SMYD3: variants seen among roughly 807,000 people sequenced by gnomAD.
SMYD3 encodes SET and MYND domain containing 3, also known as histone-lysine N-methyltransferase SMYD3.
A neutral mutation model predicts 57.7 loss-of-function variants in SMYD3; 36 were observed. The ratio of observed to expected loss-of-function variants is 0.62; its 90% CI spans 0.48 to 0.82. SMYD3 has a LOEUF of 0.82. Ranked by LOEUF, SMYD3 falls within the 40% of genes least tolerant of loss-of-function variation. SMYD3 has a pLI of 0.00. For missense variants in SMYD3, 515 were observed against 538.8 expected (o/e 0.96, Z 0.44); for synonymous variants, 211 against 195.0 (o/e 1.08, Z -0.68).
At chr1:246,285,365 T>G (rs1021463743) in intron 5 of SMYD3, among the ~76,000 whole-genome samples, 5 of 152,204 alleles carry the variant, frequency 3.3e-5, no homozygotes, top group African/African-American at 1.2e-4. Context: ...ACTCATTGAC[T>G]GATGGGCATT....
intron 5 of SMYD3, among the ~76,000 whole-genome samples, chr1:246,153,101 T>C (rs1020656784): frequency 6.6e-6 from 1 of 152,108 alleles, no homozygotes; most frequent in African/African-American, 2.4e-5. Context: ...TTTCCAACTG[T>C]CTACTCAAGC....
intron 5 of SMYD3, among the ~76,000 whole-genome samples, chr1:246,080,740 C>A (rs947395677): frequency 4.6e-5 from 7 of 152,146 alleles, no homozygotes; most frequent in Admixed American, 2.0e-4. Context: ...CACAGAAAAG[C>A]TTAATATTTG....
intron 8 of SMYD3, among the ~76,000 whole-genome samples, chr1:245,900,603 C>T (rs1197147109): frequency 6.6e-6 from 1 of 152,188 alleles, no homozygotes; most frequent in Non-Finnish European, 1.5e-5. Context: ...AGAACATGCA[C>T]CCCACCTACT....
intron 5 of SMYD3, among the ~76,000 whole-genome samples, chr1:246,023,055 C>T (rs2059501630): frequency 6.6e-6 from 1 of 152,184 alleles, no homozygotes; most frequent in African/African-American, 2.4e-5. Context: ...CCAATCCATT[C>T]TCTAAACTTC....
intron 1 of SMYD3, among the ~76,000 whole-genome samples, chr1:246,458,513 C>G (rs1241488796): frequency 7.7e-6 from 1 of 129,826 alleles, no homozygotes; most frequent in Admixed American, 9.9e-5. Flanking sequence ...GTGGTGCGAT[C>G]TCGGCTCACT....
chr1:245,829,167 A>G (rs1347189370), intron 10 of SMYD3, among the ~76,000 whole-genome samples: 1 of 148,034 alleles, frequency 6.8e-6, no homozygotes, highest in African/African-American at 2.5e-5. Flanking sequence ...AGATAGTATG[A>G]AAAGTTCACT....
chr1:246,280,379 G>A (rs1254945141), intron 5 of SMYD3, among the ~76,000 whole-genome samples: 1 of 152,174 alleles, frequency 6.6e-6, no homozygotes, highest in Admixed American at 6.5e-5. Flanking sequence ...GAGTAAATCG[G>A]TTTGGCTGAA....
intron 5 of SMYD3, among the ~76,000 whole-genome samples, chr1:246,192,926 G>A (rs2062763942): frequency 6.6e-6 from 1 of 151,474 alleles, no homozygotes; most frequent in Admixed American, 6.6e-5. Context: ...AAGAAATGTA[G>A]TTACAAAAGA....
At chr1:245,795,583 G>T (rs926001208) in intron 10 of SMYD3, among the ~76,000 whole-genome samples, 1 of 152,048 alleles carries the variant, frequency 6.6e-6, no homozygotes, top group Non-Finnish European at 1.5e-5. Context: ...ATTTCCCATT[G>T]TTATATTTTG....
intron 5 of SMYD3, among the ~76,000 whole-genome samples, chr1:246,187,988 G>C (rs1018486726): frequency 1.3e-5 from 2 of 151,988 alleles, no homozygotes; most frequent in Admixed American, 1.3e-4. Context: ...GTATCTAGTA[G>C]ACCTCTTGGT....
chr1:245,861,163 T>C (rs897020114), intron 9 of SMYD3, among the ~76,000 whole-genome samples: 1 of 152,212 alleles, frequency 6.6e-6, no homozygotes, highest in African/African-American at 2.4e-5. Context: ...AAAAATGGAA[T>C]AATTTTAACT....
intron 10 of SMYD3, among the ~76,000 whole-genome samples, chr1:245,851,147 G>C (rs1287280128): frequency 6.6e-6 from 1 of 152,066 alleles, no homozygotes; most frequent in African/African-American, 2.4e-5. Flanking sequence ...TCCATCACTG[G>C]CCAGGCCGGA....
chr1:246,011,553 G>A (rs2059282164), intron 5 of SMYD3, among the ~76,000 whole-genome samples: 1 of 152,194 alleles, frequency 6.6e-6, no homozygotes, highest in Non-Finnish European at 1.5e-5. Context: ...CACTGTCGAT[G>A]CTGTGAGTGG....
At chr1:246,241,508 G>A (rs2063610136) in intron 5 of SMYD3, among the ~76,000 whole-genome samples, 1 of 152,110 alleles carries the variant, frequency 6.6e-6, no homozygotes, top group Non-Finnish European at 1.5e-5. Flanking sequence ...ATTTTATTGA[G>A]GATTTCTGCA....
chr1:245,908,432 T>C (rs1427250318), intron 8 of SMYD3, among the ~76,000 whole-genome samples: 2 of 152,242 alleles, frequency 1.3e-5, no homozygotes, highest in African/African-American at 4.8e-5. Context: ...ACAGATCATC[T>C]AGACAGAAAA....
At chr1:245,804,444 G>A (rs2048040342) in intron 10 of SMYD3, among the ~76,000 whole-genome samples, 1 of 152,112 alleles carries the variant, frequency 6.6e-6, no homozygotes, top group African/African-American at 2.4e-5. Context: ...TGTAGTCCCA[G>A]CTACTCGGGA....
At chr1:245,870,369 C>T (rs1317048268) in intron 8 of SMYD3, among the ~76,000 whole-genome samples, 3 of 152,140 alleles carry the variant, frequency 2.0e-5, no homozygotes, top group Non-Finnish European at 4.4e-5. Context: ...AAACCCCACG[C>T]CGGCTCCGGA....
chr1:246,172,348 A>G (rs1398044426), intron 5 of SMYD3, among the ~76,000 whole-genome samples: 1 of 151,070 alleles, frequency 6.6e-6, no homozygotes, highest in Non-Finnish European at 1.5e-5. Context: ...ACTCTACTGT[A>G]GACTTTATCA....
In SMYD3 at chr1:246,159,926, C is replaced by T. The variant is rs138010686; in HGVS notation, c.531+167275G>A. 2.5e-4 allele frequency among the ~76,000 whole-genome samples: 38 copies of T among 152,264 alleles called. No individual in the cohort carries two copies. In the East Asian group the frequency reaches 7.3e-3, roughly 29 times the overall value. On this transcript the variant is annotated intron_variant, in intron 5 of 11. Coordinates refer to ENST00000490107, the MANE Select transcript of SMYD3 (RefSeq NM_001167740.2). ...CAAGAGATCTTCCTGCCTCAGCCTC[C>T]TGAGGAGCTGGGATTACAGGAGTGC... is the stretch of plus-strand genomic sequence containing the variant.
Sources: allele counts gnomAD v4.1 joint callset (sites outside exome capture counted in the v4.1 genomes callset), GRCh38; gene constraint gnomAD v4.1.1; transcripts MANE v1.5; gene names NCBI Gene and HGNC (gene_info 2026-07-23, HGNC 2026-07-21).